Variants in CFAP54 observed in about 807,000 individuals in gnomAD.
CFAP54 encodes cilia- and flagella-associated protein 54.
A neutral mutation model predicts 370.4 loss-of-function variants in CFAP54; 290 were observed. The observed-to-expected ratio is 0.78, with a 90% CI of 0.71 to 0.86. The LOEUF is 0.86. Among genes scored for constraint, CFAP54 ranks in the 40% least tolerant of loss-of-function variants. The pLI is 0.00. For synonymous variants in CFAP54, 1,206 were observed against 1,236.5 expected (o/e 0.98, Z 0.52); for missense variants, 3,399 against 3,528.7 (o/e 0.96, Z 0.93).
chr12:96,526,247 T>A (rs1301622663), intron 8 of CFAP54, among the ~76,000 whole-genome samples: 1 of 152,128 alleles, frequency 6.6e-6, no homozygotes, highest in East Asian at 1.9e-4. Context: ...AGAGAACAGG[T>A]CATTTGATGG....
chr12:96,648,632 C>G (rs570742366), intron 34 of CFAP54, among the ~76,000 whole-genome samples: 1 of 126,678 alleles, frequency 7.9e-6, no homozygotes, highest in African/African-American at 3.0e-5. Context: ...ACCCTATCAC[C>G]TGGGCTGGAG....
chr12:96,789,522 C>G (rs1958663821), intron 62 of CFAP54, among the ~76,000 whole-genome samples: 1 of 152,150 alleles, frequency 6.6e-6, no homozygotes, highest in South Asian at 2.1e-4. Context: ...ATAGTTTCAA[C>G]TGATCTATTC....
intron 42 of CFAP54, 24 bp from the exon 43 acceptor site, chr12:96,688,892 T>A (rs201825307): frequency 4.8e-5 from 67 of 1,399,880 alleles, no homozygotes; most frequent in Non-Finnish European, 6.2e-5. Flanking sequence ...TACTAATCAA[T>A]TTTTTTTTCT....
At chr12:96,782,190 A>C (rs1371855697) in intron 60 of CFAP54, among the ~76,000 whole-genome samples, 1 of 152,122 alleles carries the variant, frequency 6.6e-6, no homozygotes, top group African/African-American at 2.4e-5. Context: ...ATCTGAAAAA[A>C]TTACAAGTGG....
At chr12:96,541,988 ACCT>A (rs140697369) in intron 14 of CFAP54, among the ~76,000 whole-genome samples, 1,991 of 150,110 alleles carry the variant, frequency 0.013, 59 homozygotes, top group African/African-American at 0.047. Flanking sequence ...TTCTGCTCTG[ACCT>A]CCTTGTTCTT....
At chr12:96,823,816 C>T (rs1410704030) in intron 65 of CFAP54, among the ~76,000 whole-genome samples, 1 of 152,084 alleles carries the variant, frequency 6.6e-6, no homozygotes, top group Admixed American at 6.6e-5. Context: ...GGGCCTAGGA[C>T]AAGGTAGGGG....
chr12:96,710,553 C>T (rs1957599306), intron 48 of CFAP54, among the ~76,000 whole-genome samples: 2 of 151,920 alleles, frequency 1.3e-5, no homozygotes, highest in South Asian at 2.1e-4. Flanking sequence ...GGCATGGGCT[C>T]TTTAGTTTGC....
intron 17 of CFAP54, among the ~76,000 whole-genome samples, chr12:96,562,403 G>A (rs1454638426): frequency 7.2e-6 from 1 of 138,050 alleles, no homozygotes; most frequent in Non-Finnish European, 1.6e-5. Flanking sequence ...ATACATACTT[G>A]TGACCCTTTT....
At chr12:96,761,494 T>C (rs1454893832) in intron 58 of CFAP54, among the ~76,000 whole-genome samples, 1 of 150,302 alleles carries the variant, frequency 6.7e-6, no homozygotes, top group African/African-American at 2.4e-5. Context: ...GAAGTCCAAA[T>C]TGTCATTTTT....
intron 32 of CFAP54, among the ~76,000 whole-genome samples, chr12:96,641,513 A>G (rs551652571): frequency 1.3e-5 from 2 of 152,160 alleles, no homozygotes; most frequent in Admixed American, 1.3e-4. Flanking sequence ...TGTGGAAGTC[A>G]GTGTGGCGAT....
intron 66 of CFAP54, among the ~76,000 whole-genome samples, chr12:96,848,163 A>G (rs1592807505): frequency 2.0e-5 from 3 of 151,616 alleles, no homozygotes; most frequent in African/African-American, 4.8e-5. Context: ...TGTGACCTCT[A>G]CCTCCCAGGT....
At chr12:96,776,550 T>C (rs774983991) in intron 60 of CFAP54, among the ~76,000 whole-genome samples, 5 of 152,190 alleles carry the variant, frequency 3.3e-5, no homozygotes, top group Non-Finnish European at 7.4e-5. Context: ...TTGGTTGAAA[T>C]AATTTTTTTA....
Position 96,489,696 on chromosome 12 carries a change from C to T in CFAP54, c.87C>T (p.Thr29=). ...GSLPELPPTS[T]ATSRSPPESK... ...TGCCAGAACTGCCGCCGACCTCCAC[C>T]GCGACTTCGAGGTCGCCCCCAGAGT... Residue 29 remains threonine (T), a synonymous_variant, in exon 1 of 68, where the codon ACC becomes ACT. Transcript: ENST00000524981. 1.3e-6 allele frequency: 2 copies of T among 1,535,984 alleles called. No homozygotes were observed. The highest frequency in any genetic ancestry group is 2.0e-5 in the Admixed American group (1 of 50,992).
At chr12:96,652,581 A>C (rs919653955) in intron 36 of CFAP54, among the ~76,000 whole-genome samples, 2 of 152,200 alleles carry the variant, frequency 1.3e-5, no homozygotes, top group African/African-American at 4.8e-5. Context: ...AAGAAGGAAC[A>C]AAGGAACAAA....
At position 96,554,998 on chromosome 12, in the gene CFAP54, A is replaced by G. The variant is rs566778448; in HGVS notation, c.2410+196A>G. The G allele has an allele frequency of 2.9e-4, 124 of 422,696 alleles. 2 individuals are homozygous for G. In the South Asian group the frequency reaches 9.0e-3, roughly 31 times the overall value. The allele number at this position is 422,696 out of a possible 1,614,324, so 26.2% of individuals were successfully genotyped here. On this transcript the variant is annotated intron_variant, in intron 17 of 67. Transcript: ENST00000524981. ...TATTGCTTTACACTTTGCATATTAA[A>G]TCAGTTAGTAAACTTCTTAAAAAGT...
At chr12:96,492,302 C>G (rs1172798177) in intron 1 of CFAP54, among the ~76,000 whole-genome samples, 1 of 152,110 alleles carries the variant, frequency 6.6e-6, no homozygotes, top group South Asian at 2.1e-4. Context: ...AGGTGTTGAC[C>G]CTGCCTGCCT....
chr12:96,787,130 C>T (rs1315171613), intron 62 of CFAP54, among the ~76,000 whole-genome samples: 2 of 152,112 alleles, frequency 1.3e-5, no homozygotes, highest in African/African-American at 4.8e-5. Context: ...TTTTAAAATG[C>T]CTTAGAAGTT....
rs1366163692 is a variant in CFAP54 at position 96,874,617 on chromosome 12, TTTTATTTTTATTTTA to T, written c.*15-497_*15-483del. Among the ~76,000 whole-genome samples the T allele has an allele frequency of 3.7e-3, 50 of 13,664 alleles. 18 individuals are homozygous for T. The highest frequency in any genetic ancestry group is 4.6e-3 in the Non-Finnish European group (38 of 8,246). 9.0% of individuals were successfully genotyped at this position (13,664 alleles called of 152,430 possible). On this transcript the variant is annotated intron_variant, in intron 67 of 67. Coordinates refer to ENST00000524981, the MANE Select transcript of CFAP54 (RefSeq NM_001306084.2). ...GTTCTGTTTTGGGATCTCTGCTTTT[TTTTATTTTTATTTTA>T]TTTTTTTTTTTTTTTGAGACGGAGT...
intron 67 of CFAP54, among the ~76,000 whole-genome samples, chr12:96,868,806 CATAGATTGGCTGTAT>C: frequency 6.6e-6 from 1 of 152,074 alleles, no homozygotes; most frequent in African/African-American, 2.4e-5. Flanking sequence ...GGGAGTCAAC[CATAGATTGGCTGTAT>C]GCTTTCCTGC....
Sources: gnomAD v4.1 joint callset for allele counts (sites outside exome capture counted in the v4.1 genomes callset) on GRCh38, gnomAD v4.1.1 for gene constraint, MANE v1.5 for transcripts, NCBI Gene and HGNC (gene_info 2026-07-23, HGNC 2026-07-21) for gene names.